Variants in GRID2 observed in about 807,000 individuals in gnomAD.
GRID2 encodes the protein glutamate ionotropic receptor delta type subunit 2.
In GRID2, 33 loss-of-function variants were observed where a neutral mutation model predicts 114.8. The observed-to-expected ratio is 0.29, with a 90% CI of 0.22 to 0.38. The LOEUF (loss-of-function observed/expected upper bound fraction) is 0.38, where lower values mean the gene tolerates loss of function less well. Among genes scored for constraint, GRID2 ranks in the 10% least tolerant of loss-of-function variants. The probability of loss-of-function intolerance (pLI) is 1.00; values close to 1 mark genes in which losing one functional copy is unlikely to be tolerated. For synonymous variants in GRID2, 505 were observed against 449.9 expected, an observed-to-expected ratio of 1.12 and a Z score of -1.55; for missense variants, 1,184 against 1,257.7, an observed-to-expected ratio of 0.94 and a Z score of 0.89.
In GRID2 at chr4:93,085,236, G is replaced by A. The variant is rs750939870; in HGVS notation, c.486G>A (p.Glu162=). 6.2e-7 allele frequency: 1 copy of A among 1,613,642 alleles called. No homozygotes were observed. The highest frequency in any genetic ancestry group is 2.2e-5 in the East Asian group (1 of 44,880). The part of the protein sequence containing the change: ...LHDVILRVVT[E]YAWQKFIIFY... The stretch of plus-strand genomic sequence containing the variant: ...ATGTTATCCTAAGAGTGGTCACAGA[G>A]TATGCCTGGCAGAAATTCATTATAT... The change falls in exon 3 of 16, where the codon GAG becomes GAA. Residue 162 remains glutamate, a synonymous_variant. Coordinates refer to ENST00000282020, the MANE Select transcript of GRID2 (RefSeq NM_001510.4).
chr4:92,336,233 C>A (rs1727157216), intron 1 of GRID2, among the ~76,000 whole-genome samples: 1 of 152,134 alleles, frequency 6.6e-6, no homozygotes, highest in African/African-American at 2.4e-5. Flanking sequence ...ATATCCTTTT[C>A]TAACCCCTTT....
chr4:93,621,065 TTTATATTCC>T (rs1235866244), intron 13 of GRID2, among the ~76,000 whole-genome samples: 12 of 152,316 alleles, frequency 7.9e-5, no homozygotes, highest in African/African-American at 2.9e-4. Context: ...AAGTCTTACC[TTTATATTCC>T]TTATAGACTT....
At chr4:92,566,866 C>T (rs1727363239) in intron 1 of GRID2, among the ~76,000 whole-genome samples, 1 of 151,990 alleles carries the variant, frequency 6.6e-6, no homozygotes, top group Non-Finnish European at 1.5e-5. Flanking sequence ...ATGATTTTCA[C>T]TGCAGTGGTT....
intron 1 of GRID2, among the ~76,000 whole-genome samples, chr4:92,506,240 G>A (rs758163874): frequency 5.3e-5 from 8 of 151,956 alleles, no homozygotes; most frequent in Admixed American, 2.0e-4. Context: ...ATGCCAGAAT[G>A]TGGTGGTGGG....
At chr4:93,129,779 G>A (rs1734625609) in intron 4 of GRID2, among the ~76,000 whole-genome samples, 1 of 151,302 alleles carries the variant, frequency 6.6e-6, no homozygotes, top group South Asian at 2.1e-4. Flanking sequence ...GAACCTGGCA[G>A]GGTGTATCTC....
chr4:92,698,577 A>G (rs1734527184), intron 2 of GRID2, among the ~76,000 whole-genome samples: 1 of 152,012 alleles, frequency 6.6e-6, no homozygotes, highest in Admixed American at 6.6e-5. Context: ...TCTAATTTTT[A>G]TACTTTTAGA....
chr4:93,594,689 T>G (rs1738853417), intron 13 of GRID2, among the ~76,000 whole-genome samples: 1 of 152,152 alleles, frequency 6.6e-6, no homozygotes, highest in Non-Finnish European at 1.5e-5. Context: ...CAGACTGCTG[T>G]GCTAGCAATC....
intron 2 of GRID2, among the ~76,000 whole-genome samples, chr4:92,965,450 T>TGA (rs1393372287): frequency 1.2e-5 from 1 of 85,760 alleles, no homozygotes; most frequent in Admixed American, 1.1e-4. Context: ...ATTCAATTTG[T>TGA]AAAAAAAAAA....
chr4:92,325,438 T>C (rs1041774474), intron 1 of GRID2, among the ~76,000 whole-genome samples: 1 of 151,866 alleles, frequency 6.6e-6, no homozygotes, highest in Non-Finnish European at 1.5e-5. Flanking sequence ...ATATAATAAA[T>C]GTAATAGACT....
chr4:92,695,925 C>A (rs1579860348), intron 2 of GRID2, among the ~76,000 whole-genome samples: 1 of 152,032 alleles, frequency 6.6e-6, no homozygotes, highest in African/African-American at 2.4e-5. Context: ...ATATATTAAA[C>A]AATTTATTTT....
intron 2 of GRID2, among the ~76,000 whole-genome samples, chr4:92,820,051 C>A (rs2149386483): frequency 6.6e-6 from 1 of 152,198 alleles, no homozygotes; most frequent in South Asian, 2.1e-4. Flanking sequence ...CAATCTAGAA[C>A]TGACAAATGA....
At chr4:93,177,410 C>T (rs577233085) in intron 4 of GRID2, among the ~76,000 whole-genome samples, 68 of 152,224 alleles carry the variant, frequency 4.5e-4, no homozygotes, top group Admixed American at 9.8e-4. Context: ...GAGAAACATT[C>T]TATCATTATC....
rs200114770 is a variant in GRID2, at chr4:93,727,702, G to A, written c.2361-41508G>A. ...CTATTCAGAGATTCAACTTCTTCCT[G>A]GTTTAGTCTTGGGAGAGTGTATGTG... On this transcript the variant is annotated intron_variant, in intron 14 of 15. Transcript: ENST00000282020. 3.3e-5 allele frequency among the ~76,000 whole-genome samples: 5 copies of A among 152,114 alleles called. No homozygotes were observed. The East Asian group carries it at 9.7e-4, about 29-fold the overall frequency.
chr4:92,573,663 T>A (rs1189590174), intron 1 of GRID2, among the ~76,000 whole-genome samples: 1 of 152,250 alleles, frequency 6.6e-6, no homozygotes, highest in Non-Finnish European at 1.5e-5. Flanking sequence ...TTTATTGCAC[T>A]GTGGTCTGAG....
chr4:92,628,802 C>A (rs1730650811), intron 2 of GRID2, among the ~76,000 whole-genome samples: 1 of 152,264 alleles, frequency 6.6e-6, no homozygotes, highest in East Asian at 1.9e-4. Context: ...CCATTGAAGG[C>A]ATTTAATATG....
chr4:93,695,126 G>A (rs1208484925), intron 14 of GRID2, among the ~76,000 whole-genome samples: 2 of 149,470 alleles, frequency 1.3e-5, no homozygotes, highest in African/African-American at 5.0e-5. Flanking sequence ...AGCCGAGATC[G>A]AGCCACTGCA....
At chr4:92,305,602 C>T (rs1725351845) in intron 1 of GRID2, among the ~76,000 whole-genome samples, 3 of 152,170 alleles carry the variant, frequency 2.0e-5, no homozygotes, top group African/African-American at 7.2e-5. Flanking sequence ...CTACTGCGGG[C>T]CGCGACTCTG....
rs1427038917 is a variant in GRID2 at position 93,090,887 on chromosome 4, G to T, written c.529+5608G>T. On this transcript the variant is annotated intron_variant, in intron 3 of 15. Transcript: ENST00000282020. ...TCCTATGTGACCTCCTCGCCCTCTG[G>T]TAACGCCAGGTGTTCTCAATTACTA... 2.6e-5 allele frequency among the ~76,000 whole-genome samples: 4 copies of T among 152,098 alleles called. No homozygotes were observed. The South Asian group carries it at 8.3e-4, about 31-fold the overall frequency.
intron 2 of GRID2, among the ~76,000 whole-genome samples, chr4:92,932,308 G>A (rs1016408750): frequency 2.0e-5 from 3 of 151,140 alleles, no homozygotes; most frequent in Non-Finnish European, 4.5e-5. Context: ...AATATCATTA[G>A]ACAAATGCAA....
Sources: allele counts gnomAD v4.1 joint callset (sites outside exome capture counted in the v4.1 genomes callset), GRCh38; gene constraint gnomAD v4.1.1; transcripts MANE v1.5; gene names NCBI Gene and HGNC (gene_info 2026-07-23, HGNC 2026-07-21).